The following OPCML variants were observed in gnomAD, a reference collection of about 807,000 sequenced individuals.
OPCML encodes opioid-binding protein/cell adhesion molecule.
Under a neutral mutation model 37.8 loss-of-function variants are expected in OPCML, and 13 were observed. That is an observed-to-expected ratio of 0.34 (90% CI 0.22 to 0.55). The LOEUF (loss-of-function observed/expected upper bound fraction) is 0.55, where lower values mean the gene tolerates loss of function less well. Ranked by LOEUF, OPCML falls within the 20% of genes least tolerant of loss-of-function variation. OPCML has a pLI of 0.91. For missense variants in OPCML, 341 were observed against 435.6 expected, an observed-to-expected ratio of 0.78 and a Z score of 1.93; for synonymous variants, 176 against 168.8, an observed-to-expected ratio of 1.04 and a Z score of -0.33.
intron 1 of OPCML, among the ~76,000 whole-genome samples, chr11:133,201,089 T>C (rs993087288): frequency 3.3e-5 from 5 of 152,076 alleles, no homozygotes; most frequent in African/African-American, 7.2e-5. Context: ...TGAGTACATA[T>C]GTATACAAAG....
intron 1 of OPCML, among the ~76,000 whole-genome samples, chr11:133,035,986 G>T (rs1947776565): frequency 6.6e-6 from 1 of 152,170 alleles, no homozygotes; most frequent in Non-Finnish European, 1.5e-5. Context: ...CTATGAGAAA[G>T]TGAATATCTA....
At position 132,627,293 on chromosome 11, in the gene OPCML, T is replaced by C. The variant is rs555553388; in HGVS notation, c.379+29794A>G. Among the ~76,000 whole-genome samples the C allele has an allele frequency of 9.2e-5, 14 of 152,266 alleles. No individual in the cohort carries two copies. The South Asian group carries it at 2.5e-3, about 27-fold the overall frequency. Reference sequence around the variant, plus strand: ...GAAATGTCAAACATCCTCTTTAAAATAGAAAAAAGAACAGTTCAACCCAAA... The same window carrying C: ...GAAATGTCAAACATCCTCTTTAAAACAGAAAAAAGAACAGTTCAACCCAAA... On this transcript the variant is annotated intron_variant, in intron 3 of 7. Coordinates refer to ENST00000524381, the MANE Select transcript of OPCML (RefSeq NM_001012393.5).
chr11:133,068,335 GA>G (rs1414452062), intron 1 of OPCML, among the ~76,000 whole-genome samples: 1 of 152,186 alleles, frequency 6.6e-6, no homozygotes, highest in Non-Finnish European at 1.5e-5. Flanking sequence ...TAGATCAGAA[GA>G]ACATCCTCAT....
intron 1 of OPCML, among the ~76,000 whole-genome samples, chr11:133,480,650 C>T (rs912118854): frequency 2.0e-5 from 3 of 152,242 alleles, no homozygotes; most frequent in African/African-American, 7.2e-5. Context: ...GAAACTCTTT[C>T]TGACCCCTTT....
chr11:133,418,053 CT>C (rs1945806567), intron 1 of OPCML: 1 of 985,056 alleles, frequency 1.0e-6, no homozygotes, highest in Non-Finnish European at 1.2e-6. Context: ...GCAGAGAGAA[CT>C]GCTTGAACAC....
chr11:133,191,947 G>C (rs1157303011), intron 1 of OPCML, among the ~76,000 whole-genome samples: 1 of 152,144 alleles, frequency 6.6e-6, no homozygotes, highest in Non-Finnish European at 1.5e-5. Context: ...CCAAAATATA[G>C]AAAACCTTAG....
At chr11:132,822,275 C>G (rs948864530) in intron 2 of OPCML, among the ~76,000 whole-genome samples, 1 of 152,076 alleles carries the variant, frequency 6.6e-6, no homozygotes, top group Non-Finnish European at 1.5e-5. Flanking sequence ...CACCTCCCCC[C>G]ACCGCTTGCC....
At chr11:132,539,874 C>G (rs1029092089) in intron 3 of OPCML, among the ~76,000 whole-genome samples, 1 of 150,978 alleles carries the variant, frequency 6.6e-6, no homozygotes, top group African/African-American at 2.4e-5. Flanking sequence ...TGATGGTGAT[C>G]ATGGTGATGA....
chr11:132,820,433 T>C (rs182807894), intron 2 of OPCML, among the ~76,000 whole-genome samples: 1 of 152,272 alleles, frequency 6.6e-6, no homozygotes, highest in African/African-American at 2.4e-5. Context: ...TCGATCAAGT[T>C]CCAACTTCAA....
intron 1 of OPCML, among the ~76,000 whole-genome samples, chr11:133,049,699 C>T (rs955593953): frequency 5.9e-5 from 9 of 152,302 alleles, no homozygotes; most frequent in African/African-American, 2.2e-4. Flanking sequence ...TGATTTGTAA[C>T]CCGTCACCGT....
intron 3 of OPCML, among the ~76,000 whole-genome samples, chr11:132,595,199 G>C (rs1048301261): frequency 2.6e-5 from 4 of 152,120 alleles, no homozygotes; most frequent in African/African-American, 9.7e-5. Context: ...GGAAAGGGGA[G>C]GGGGAGGTCG....
intron 2 of OPCML, among the ~76,000 whole-genome samples, chr11:132,844,025 T>C (rs376848583): frequency 5.9e-5 from 9 of 152,348 alleles, no homozygotes; most frequent in South Asian, 4.1e-4. Context: ...GTTCTCATGA[T>C]AGTGAATAAG....
At chr11:132,686,518 A>T (rs952083287) in intron 2 of OPCML, among the ~76,000 whole-genome samples, 17 of 152,320 alleles carry the variant, frequency 1.1e-4, no homozygotes, top group Middle Eastern at 3.4e-3. Flanking sequence ...TCTCATGTAA[A>T]GTCCTTCCAA....
chr11:132,613,130 G>A (rs755292567), intron 3 of OPCML, among the ~76,000 whole-genome samples: 8 of 152,168 alleles, frequency 5.3e-5, no homozygotes, highest in South Asian at 4.1e-4. Flanking sequence ...AGCTGCTGGC[G>A]GGGATGTCAC....
At chr11:132,451,354 G>C (rs1349772066) in intron 4 of OPCML, among the ~76,000 whole-genome samples, 4 of 150,972 alleles carry the variant, frequency 2.6e-5, no homozygotes, top group African/African-American at 4.9e-5. Flanking sequence ...GAGATGGTGA[G>C]GGAAGCAGGA....
At chr11:133,479,643 A>G (rs557529929) in intron 1 of OPCML, among the ~76,000 whole-genome samples, 1 of 152,238 alleles carries the variant, frequency 6.6e-6, no homozygotes, top group African/African-American at 2.4e-5. Flanking sequence ...GCGTCACACA[A>G]TTGACCCTGC....
At position 133,205,598 on chromosome 11, in the gene OPCML, C is replaced by T. The variant is rs1422835245; in HGVS notation, c.62-262588G>A. On this transcript the variant is annotated intron_variant, in intron 1 of 7. Coordinates refer to ENST00000524381, the MANE Select transcript of OPCML (RefSeq NM_001012393.5). The surrounding 1 kb of genome is among the most constrained non-coding windows in gnomAD (Gnocchi z 4.8). ...CAGAATTGAATTGAATTGGAGAACG[C>T]CCAGTCCTCACGATCATTGCTCAGT... Among the ~76,000 whole-genome samples the T allele has an allele frequency of 2.0e-5, 3 of 152,180 alleles. No individual in the cohort carries two copies. Among genetic ancestry groups the T allele is most frequent in the African/African-American group, 7.2e-5 (3 of 41,442 alleles).
intron 3 of OPCML, among the ~76,000 whole-genome samples, chr11:132,557,608 C>T (rs558069904): frequency 6.6e-6 from 1 of 152,324 alleles, no homozygotes; most frequent in African/African-American, 2.4e-5. Flanking sequence ...TTCAAGAAAG[C>T]TTTCTTAGTT....
intron 3 of OPCML, among the ~76,000 whole-genome samples, chr11:132,538,719 T>C (rs1362100784): frequency 1.3e-5 from 2 of 152,194 alleles, no homozygotes; most frequent in African/African-American, 4.8e-5. Flanking sequence ...TGCTGCATAA[T>C]GTCTGCTTAA....
Sources: gnomAD v4.1 joint callset for allele counts (sites outside exome capture counted in the v4.1 genomes callset) on GRCh38, gnomAD v4.1.1 for gene constraint, Gnocchi (gnomAD v3.1) non-coding constraint, MANE v1.5 for transcripts, NCBI Gene and HGNC (gene_info 2026-07-23, HGNC 2026-07-21) for gene names.